TASOR2: variants seen among roughly 807,000 people sequenced by gnomAD.
The protein encoded by TASOR2 is protein TASOR 2.
TASOR2 carries 84 observed loss-of-function variants against 199.5 expected under a neutral mutation model. The observed-to-expected ratio is 0.42, with a 90% confidence interval of 0.35 to 0.50. The LOEUF is 0.50. Among genes scored for constraint, TASOR2 ranks in the 20% least tolerant of loss-of-function variants. The pLI, the probability that TASOR2 is intolerant of heterozygous loss-of-function variation, is 0.02. For synonymous variants in TASOR2, 1,103 were observed against 1,046.6 expected, an observed-to-expected ratio of 1.05 and a Z score of -1.04; for missense variants, 2,796 against 2,835.9, an observed-to-expected ratio of 0.99 and a Z score of 0.32.
rs1837412059 is a variant in TASOR2 at position 5,698,457 on chromosome 10, A to T, written c.-288+13282A>T. On this transcript the variant is annotated intron_variant, in intron 1 of 20. Coordinates refer to ENST00000328090, the Ensembl canonical transcript of TASOR2. This position sits in a 1 kb window ranked among gnomAD's most constrained non-coding sequence, Gnocchi z 4.4. The stretch of plus-strand genomic sequence containing the variant: ...TATATGATTAAAAATAAAAAAAGAG[A>T]GAGAAAAACCACAATTTTCTACAGA... 6.6e-6 allele frequency among the ~76,000 whole-genome samples: 1 copy of T among 152,194 alleles called. No homozygotes were observed. The highest frequency in any genetic ancestry group is 1.5e-5 in the Non-Finnish European group (1 of 68,018).
Position 5,720,753 on chromosome 10 carries a change from AG to A in TASOR2, c.27-1del. 1 of 1,612,796 alleles carries A rather than the reference AG, an allele frequency of 6.2e-7. No individual in the cohort carries two copies. Among genetic ancestry groups the A allele is most frequent in the Non-Finnish European group, 8.5e-7 (1 of 1,179,698 alleles). ...TGTTCTTTTTCTTTCTTTTTCTGCT[AG>A]ACTTGAACGCAGTGAAAATGGTAAG... On this transcript the variant is annotated splice_acceptor_variant, in intron 4 of 20. Transcript: ENST00000328090. LOFTEE classifies it high-confidence loss of function. The surrounding 1 kb of genome is among the most constrained non-coding windows in gnomAD (Gnocchi z 5.3).
chr10:5,726,697 A>G lies in TASOR2; in HGVS notation c.352-188A>G, dbSNP rs561659321. The G allele has an allele frequency of 1.6e-4, 94 of 592,460 alleles. 1 individual carries two copies. In the South Asian group the frequency reaches 1.9e-3, roughly 12 times the overall value. 36.7% of individuals were successfully genotyped at this position (592,460 alleles called of 1,614,324 possible). On this transcript the variant is annotated intron_variant, in intron 8 of 20. Transcript: ENST00000328090. ...TCTGGTTATTTTATATAGACCCAAC[A>G]GGGCCAAGATTATTTCAGCTAAGGA...
chr10:5,729,915 C>G (rs1198085713), intron 10 of TASOR2, among the ~76,000 whole-genome samples: 1 of 150,626 alleles, frequency 6.6e-6, no homozygotes, highest in Admixed American at 6.6e-5. Flanking sequence ...GAAACATAGA[C>G]TAGTCAGTTT....
chr10:5,762,513 T>TTTA lies in TASOR2; in HGVS notation c.7175-17_7175-16insATT. On this transcript the variant is annotated intron_variant, in intron 19 of 20. Coordinates refer to ENST00000328090, the Ensembl canonical transcript of TASOR2. ...ATTAATTATATTAACCAAAAGTTGT[T>TTTA]TTTTTTTTTTTTTAACAGACAAGCC... is the stretch of plus-strand genomic sequence containing the variant. The TTTA allele has an allele frequency of 1.9e-6, 1 of 538,668 alleles. No homozygotes were observed. The allele number at this position is 538,668 out of a possible 1,614,324, so 33.4% of individuals were successfully genotyped here.
intron 19 of TASOR2, chr10:5,761,698 A>G (rs1839862468): frequency 1.3e-5 from 7 of 518,542 alleles, no homozygotes; most frequent in Non-Finnish European, 2.4e-5. Flanking sequence ...ATTACTTATA[A>G]TACTCAATAC....
intron 19 of TASOR2, 98 bp from the exon 21 acceptor site, chr10:5,762,434 G>C (rs1400585019): frequency 1.3e-5 from 5 of 380,658 alleles, no homozygotes; most frequent in African/African-American, 6.5e-5. Flanking sequence ...CTCACACGAG[G>C]AAGTTCCACA....
intron 10 of TASOR2, among the ~76,000 whole-genome samples, chr10:5,728,195 T>C (rs1201016211): frequency 7.0e-6 from 1 of 143,598 alleles, no homozygotes; most frequent in Non-Finnish European, 1.5e-5. Flanking sequence ...CCCTCCAGCC[T>C]GGGCAACAGA....
At position 5,762,515 on chromosome 10, in the gene TASOR2, T is replaced by TTTTTG. The variant is rs1554784550; in HGVS notation, c.7175-13_7175-12insGTTTT. On this transcript the variant is annotated splice_polypyrimidine_tract_variant and intron_variant, in intron 19 of 20. Transcript: ENST00000328090. Reference sequence around the variant, plus strand: ...TAATTATATTAACCAAAAGTTGTTTTTTTTTTTTTTTAACAGACAAGCCTA... The same window carrying TTTTTG: ...TAATTATATTAACCAAAAGTTGTTTTTTTTGTTTTTTTTTTTAACAGACAAGCCTA... 3 of 599,660 alleles carry TTTTTG rather than the reference T, an allele frequency of 5.0e-6. No individual in the cohort carries two copies. The highest frequency in any genetic ancestry group is 3.5e-5 in the East Asian group (1 of 28,718). The allele number at this position is 599,660 out of a possible 1,614,324, so 37.1% of individuals were successfully genotyped here.
At chr10:5,708,795 A>G (rs1440965724) in intron 1 of TASOR2, among the ~76,000 whole-genome samples, 1 of 151,580 alleles carries the variant, frequency 6.6e-6, no homozygotes, top group Non-Finnish European at 1.5e-5. Flanking sequence ...TCTTCCCCCC[A>G]GACTCAAGCC....
intron 1 of TASOR2, chr10:5,709,562 T>G: frequency 8.1e-7 from 1 of 1,230,894 alleles, no homozygotes; most frequent in Admixed American, 4.2e-5. Flanking sequence ...CAGGACTATG[T>G]CAAGAATTCT....
In TASOR2 at chr10:5,699,790, A is replaced by T; in HGVS notation, c.-287-13033A>T. ...AATGCAAAGAAAGAAAACAAAAGAT[A>T]GACAGGAGAAAAATGAGTAAAACAG... is the stretch of plus-strand genomic sequence containing the variant. On this transcript the variant is annotated intron_variant, in intron 1 of 20. Coordinates refer to ENST00000328090, the Ensembl canonical transcript of TASOR2. The surrounding 1 kb of genome is among the most constrained non-coding windows in gnomAD (Gnocchi z 4.1). 4 of 885,458 alleles carry T rather than the reference A, an allele frequency of 4.5e-6. No individual in the cohort carries two copies. The highest frequency in any genetic ancestry group is 5.4e-6 in the Non-Finnish European group (4 of 738,994). The allele number at this position is 885,458 out of a possible 1,614,324, so 54.9% of individuals were successfully genotyped here.
At chr10:5,692,573 C>T (rs1836571087) in intron 1 of TASOR2, among the ~76,000 whole-genome samples, 1 of 152,038 alleles carries the variant, frequency 6.6e-6, no homozygotes. Context: ...CTGTAGGGTT[C>T]CCTGGTGTGT....
exon 15 of TASOR2, chr10:5,749,679 C>G (rs61729838): frequency 8.7e-6 from 14 of 1,614,184 alleles, no homozygotes; most frequent in Non-Finnish European, 1.0e-5. Flanking sequence ...AAAGAAATCA[C>G]ACTGTTTCAT....
At chr10:5,743,687 G>T (rs972206948) in intron 14 of TASOR2, among the ~76,000 whole-genome samples, 1 of 152,134 alleles carries the variant, frequency 6.6e-6, no homozygotes, top group African/African-American at 2.4e-5. Flanking sequence ...TAGTCAGGGA[G>T]ATTTAAATTA....
Position 5,730,964 on chromosome 10 carries a change from C to G in TASOR2, c.965C>G (p.Thr322Arg). The change falls in exon 11 of 21, where the codon ACA (threonine) becomes AGA (arginine). Residue 322 changes from threonine to arginine, a missense_variant. Thr to Arg is a moderately conservative substitution (Grantham distance 71). Transcript: ENST00000328090. The surrounding 1 kb of genome is among the most constrained non-coding windows in gnomAD (Gnocchi z 4.1). The stretch of plus-strand genomic sequence containing the variant: ...GCAGAAGTGAGAAAAGAAACTGAAA[C>G]AAAAAAGGATTCTGAAGAAATGTTG... 1 of 1,613,258 alleles carries G rather than the reference C, an allele frequency of 6.2e-7. No homozygotes were observed. The highest frequency in any genetic ancestry group is 2.2e-5 in the East Asian group (1 of 44,876).
Position 5,730,664 on chromosome 10 carries a change from T to G in TASOR2, c.665T>G (p.Leu222Trp). ...TACAAGGCGGACAGAAGCCCTTCAT[T>G]GAGTGTTGCTCCTCAGGATAGAATG... Residue 222 changes from leucine (L) to tryptophan (W), a missense_variant, in exon 11 of 21, where the codon TTG (leucine) becomes TGG (tryptophan). By Grantham distance (61) the Leu-to-Trp change is moderately conservative. Coordinates refer to ENST00000328090, the Ensembl canonical transcript of TASOR2. The surrounding 1 kb of genome is among the most constrained non-coding windows in gnomAD (Gnocchi z 4.1). The G allele has an allele frequency of 1.2e-6, 2 of 1,614,224 alleles. No homozygotes were observed. The highest frequency in any genetic ancestry group is 2.2e-5 in the South Asian group (2 of 91,086).
chr10:5,749,626 T>G (rs915288323), exon 15 of TASOR2: 6 of 1,614,002 alleles, frequency 3.7e-6, no homozygotes, highest in African/African-American at 1.3e-5. Flanking sequence ...CTCTTCCTCT[T>G]GGAGAGAGAG....
intron 12 of TASOR2, among the ~76,000 whole-genome samples, chr10:5,735,802 C>T (rs898304036): frequency 2.0e-5 from 3 of 152,138 alleles, no homozygotes; most frequent in Non-Finnish European, 4.4e-5. Context: ...GAATTGTCTA[C>T]AAGCATTAAA....
At chr10:5,729,416 T>C (rs1271519256) in intron 10 of TASOR2, among the ~76,000 whole-genome samples, 1 of 146,412 alleles carries the variant, frequency 6.8e-6, no homozygotes, top group Admixed American at 6.8e-5. Flanking sequence ...TATAAAAACG[T>C]TGTGCCCGGA....
Sources: gnomAD v4.1 joint callset for allele counts (sites outside exome capture counted in the v4.1 genomes callset) on GRCh38, gnomAD v4.1.1 for gene constraint, Gnocchi (gnomAD v3.1) non-coding constraint, MANE v1.5 for transcripts, NCBI Gene and HGNC (gene_info 2026-07-23, HGNC 2026-07-21) for gene names.